The following PAPSS2 variants were observed in gnomAD, a reference collection of about 807,000 sequenced individuals.
PAPSS2 encodes 3'-phosphoadenosine 5'-phosphosulfate synthase 2, also known as bifunctional 3'-phosphoadenosine 5'-phosphosulfate synthase 2.
A neutral mutation model predicts 66.5 loss-of-function variants in PAPSS2; 61 were observed. The observed-to-expected ratio is 0.92, with a 90% CI of 0.75 to 1.14. The LOEUF is 1.14. PAPSS2 is among the 50% of genes most tolerant of loss of function. The pLI is 0.00. For missense variants in PAPSS2, 708 were observed against 789.6 expected (o/e 0.90, Z 1.24); for synonymous variants, 289 against 287.5 (o/e 1.01, Z -0.05).
chr10:87,683,549 AG>A (rs1853051266), intron 1 of PAPSS2, among the ~76,000 whole-genome samples: 1 of 152,374 alleles, frequency 6.6e-6, no homozygotes, highest in African/African-American at 2.4e-5. Flanking sequence ...ATTCACGTGC[AG>A]GGTTCCTAGA....
chr10:87,731,470 A>G (rs962855791), intron 9 of PAPSS2, among the ~76,000 whole-genome samples: 1 of 152,244 alleles, frequency 6.6e-6, no homozygotes, highest in African/African-American at 2.4e-5. Flanking sequence ...AGTAATTTCA[A>G]CTTTCAGGTC....
At chr10:87,702,485 A>C (rs528224092) in intron 1 of PAPSS2, among the ~76,000 whole-genome samples, 1 of 152,342 alleles carries the variant, frequency 6.6e-6, no homozygotes, top group African/African-American at 2.4e-5. Flanking sequence ...TGGGGTTGCA[A>C]CTTTCTGAAA....
rs1554869554 is a variant in PAPSS2 at position 87,746,116 on chromosome 10, A to AAT, written c.*158_*159dup. 1.7e-4 allele frequency: 101 copies of AAT among 597,990 alleles called. No individual in the cohort carries two copies. The Admixed American group carries it at 2.5e-3, about 15-fold the overall frequency. 37.0% of individuals were successfully genotyped at this position (597,990 alleles called of 1,614,324 possible). ...AAAGTTGTGTCTATAATTAAAAAAA[A>AAT]ATATATATATATACACACACACATA... On this transcript the variant is annotated 3_prime_UTR_variant, in exon 13 of 13. Coordinates refer to ENST00000456849, the MANE Select transcript of PAPSS2 (RefSeq NM_001015880.2).
intron 2 of PAPSS2, among the ~76,000 whole-genome samples, chr10:87,710,230 C>G (rs1853446942): frequency 6.6e-6 from 1 of 152,180 alleles, no homozygotes; most frequent in Non-Finnish European, 1.5e-5. Flanking sequence ...AATCTTTGCC[C>G]TTTTCTGTCC....
chr10:87,725,300 AT>A (rs1853645134), intron 8 of PAPSS2, among the ~76,000 whole-genome samples: 1 of 152,128 alleles, frequency 6.6e-6, no homozygotes. Flanking sequence ...GTCATTGGAC[AT>A]TTCTTGCTGC....
chr10:87,699,023 G>C (rs1853269479), intron 1 of PAPSS2, among the ~76,000 whole-genome samples: 1 of 152,194 alleles, frequency 6.6e-6, no homozygotes, highest in African/African-American at 2.4e-5. Context: ...CAGCCTTCTT[G>C]CTGTTCAGCT....
chr10:87,716,171 A>G lies in PAPSS2; in HGVS notation c.865+328A>G, dbSNP rs144979915. 5.9e-3 allele frequency among the ~76,000 whole-genome samples: 892 copies of G among 152,268 alleles called. 21 individuals are homozygous for G. Among genetic ancestry groups the G allele is most frequent in the Admixed American group, 0.041 (622 of 15,296 alleles). On this transcript the variant is annotated intron_variant, in intron 7 of 12. Transcript: ENST00000456849. ...CGCAGAAGTACCATTGCCACCTGCTAGGGACATTCCTAGGGCAGCCAAGAT... is the reference window on the plus strand; with the variant it reads ...CGCAGAAGTACCATTGCCACCTGCTGGGGACATTCCTAGGGCAGCCAAGAT...
intron 1 of PAPSS2, among the ~76,000 whole-genome samples, chr10:87,677,938 T>C (rs990969903): frequency 2.0e-5 from 3 of 152,174 alleles, no homozygotes; most frequent in African/African-American, 4.8e-5. Flanking sequence ...TAAATAAAGA[T>C]AAGCATTTTA....
intron 8 of PAPSS2, among the ~76,000 whole-genome samples, chr10:87,722,547 T>C (rs1564723923): frequency 6.6e-6 from 1 of 152,184 alleles, no homozygotes. Flanking sequence ...CATTGAACAA[T>C]AAGCTATCTC....
At chr10:87,669,699 C>T (rs538294239) in intron 1 of PAPSS2, among the ~76,000 whole-genome samples, 1 of 152,346 alleles carries the variant, frequency 6.6e-6, no homozygotes, top group Admixed American at 6.5e-5. Context: ...ATTTATTGAG[C>T]ACTGACCTGT....
chr10:87,742,001 C>G (rs1853876448), intron 10 of PAPSS2, among the ~76,000 whole-genome samples: 1 of 152,082 alleles, frequency 6.6e-6, no homozygotes, highest in South Asian at 2.1e-4. Flanking sequence ...CAAGCAATCT[C>G]CCCGCCTCAG....
intron 8 of PAPSS2, among the ~76,000 whole-genome samples, chr10:87,724,630 A>C (rs571191637): frequency 2.8e-5 from 4 of 144,208 alleles, no homozygotes; most frequent in African/African-American, 1.0e-4. Context: ...ATTAATTTAT[A>C]CATATATTAA....
intron 1 of PAPSS2, among the ~76,000 whole-genome samples, chr10:87,699,444 G>A (rs745458122): frequency 1.3e-5 from 2 of 152,146 alleles, no homozygotes; most frequent in Non-Finnish European, 2.9e-5. Context: ...TGCCATCCCT[G>A]GCTAATAGTA....
chr10:87,690,031 T>A (rs1358627473), intron 1 of PAPSS2, among the ~76,000 whole-genome samples: 1 of 152,176 alleles, frequency 6.6e-6, no homozygotes, highest in Non-Finnish European at 1.5e-5. Flanking sequence ...TAATGGACAA[T>A]TTAGTTATAT....
At chr10:87,730,644 G>A (rs1460309789) in intron 9 of PAPSS2, among the ~76,000 whole-genome samples, 1 of 152,152 alleles carries the variant, frequency 6.6e-6, no homozygotes, top group East Asian at 1.9e-4. Flanking sequence ...CTTTTGAATA[G>A]CCATCTTGAA....
intron 9 of PAPSS2, among the ~76,000 whole-genome samples, chr10:87,731,522 T>C (rs1853729401): frequency 6.6e-6 from 1 of 152,252 alleles, no homozygotes; most frequent in African/African-American, 2.4e-5. Flanking sequence ...ATAGCTGCTC[T>C]AGATGGTGAT....
At chr10:87,710,700 G>A (rs2131932781) in intron 2 of PAPSS2, among the ~76,000 whole-genome samples, 1 of 152,146 alleles carries the variant, frequency 6.6e-6, no homozygotes, top group Admixed American at 6.5e-5. Context: ...AGAATATATG[G>A]CAAATTTTAA....
At chr10:87,699,988 A>C (rs1170374491) in intron 1 of PAPSS2, among the ~76,000 whole-genome samples, 1 of 152,114 alleles carries the variant, frequency 6.6e-6, no homozygotes, top group African/African-American at 2.4e-5. Context: ...TATTATCACT[A>C]TTAGCATTTT....
intron 12 of PAPSS2, 35 bp from the exon 13 acceptor site, chr10:87,745,797 C>T: frequency 6.2e-7 from 1 of 1,612,478 alleles, no homozygotes; most frequent in Non-Finnish European, 8.5e-7. Flanking sequence ...ATATCATTTA[C>T]CTACACTGAG....
Sources: gnomAD v4.1 joint callset for allele counts (sites outside exome capture counted in the v4.1 genomes callset) on GRCh38, gnomAD v4.1.1 for gene constraint, MANE v1.5 for transcripts, NCBI Gene and HGNC (gene_info 2026-07-23, HGNC 2026-07-21) for gene names.